The following PDE3B variants were observed in gnomAD, a reference collection of about 807,000 sequenced individuals.
PDE3B encodes the protein phosphodiesterase 3B, also known as cGMP-inhibited 3',5'-cyclic phosphodiesterase 3B.
PDE3B carries 66 observed loss-of-function variants against 116.8 expected under a neutral mutation model. The ratio of observed to expected loss-of-function variants is 0.56; its 90% CI spans 0.46 to 0.69. The LOEUF is 0.69. Ranked by LOEUF, PDE3B falls within the 30% of genes least tolerant of loss-of-function variation. The probability of loss-of-function intolerance (pLI) is 0.00; values close to 1 mark genes in which losing one functional copy is unlikely to be tolerated. For missense variants in PDE3B, 1,384 were observed against 1,368.1 expected, an observed-to-expected ratio of 1.01 and a Z score of -0.18; for synonymous variants, 595 against 533.6, an observed-to-expected ratio of 1.12 and a Z score of -1.59.
At chr11:14,675,896 TA>T (rs952222497) in intron 1 of PDE3B, among the ~76,000 whole-genome samples, 1 of 152,138 alleles carries the variant, frequency 6.6e-6, no homozygotes. Flanking sequence ...TTCTGTTGGG[TA>T]AATACCTAAG....
intron 2 of PDE3B, among the ~76,000 whole-genome samples, chr11:14,781,462 A>G (rs1857996951): frequency 6.6e-6 from 1 of 152,238 alleles, no homozygotes; most frequent in Non-Finnish European, 1.5e-5. Flanking sequence ...CTTATCCACC[A>G]TGATCAAGTG....
chr11:14,825,240 A>AC (rs1859650908), intron 7 of PDE3B, among the ~76,000 whole-genome samples: 1 of 152,244 alleles, frequency 6.6e-6, no homozygotes, highest in Non-Finnish European at 1.5e-5. Context: ...AGCTGGCTTA[A>AC]TAACCAGGTA....
chr11:14,680,091 G>A (rs1169908781), intron 1 of PDE3B, among the ~76,000 whole-genome samples: 5 of 152,154 alleles, frequency 3.3e-5, no homozygotes, highest in South Asian at 2.1e-4. Context: ...CCCACGTAAC[G>A]TCAGAGACGT....
intron 4 of PDE3B, among the ~76,000 whole-genome samples, chr11:14,796,183 T>C (rs893087596): frequency 6.6e-6 from 1 of 152,248 alleles, no homozygotes; most frequent in Non-Finnish European, 1.5e-5. Context: ...GCTTCATCCA[T>C]GTCCCTGCAA....
intron 1 of PDE3B, among the ~76,000 whole-genome samples, chr11:14,652,367 C>T (rs766626068): frequency 5.9e-5 from 9 of 152,082 alleles, no homozygotes; most frequent in Non-Finnish European, 1.0e-4. Context: ...CAGTACCACA[C>T]TGTTTTGATT....
In PDE3B at chr11:14,644,122, C is replaced by T. The variant is rs749309244; in HGVS notation, c.47C>T (p.Pro16Leu). 4 of 1,581,460 alleles carry T rather than the reference C, an allele frequency of 2.5e-6. No homozygotes were observed. The highest frequency in any genetic ancestry group is 3.4e-6 in the Non-Finnish European group (4 of 1,172,818). ...GCCAAAGCCATGCGGTCCCTGCAGCCGCCGGATGGGGCCGGCTCGCCCCCC... is the reference window on the plus strand; with the variant it reads ...GCCAAAGCCATGCGGTCCCTGCAGCTGCCGGATGGGGCCGGCTCGCCCCCC... ...RDAKAMRSLQ[P>L]PDGAGSPPES... The change falls in exon 1 of 16, where the codon CCG (proline) becomes CTG (leucine). Residue 16 changes from proline (P) to leucine (L), a missense_variant. Pro to Leu is a moderately conservative substitution (Grantham distance 98). This residue lies in a region of PDE3B where 956 missense variants were observed against 806.8 expected (regional missense o/e 1.18). Coordinates refer to ENST00000282096, the MANE Select transcript of PDE3B (RefSeq NM_000922.4).
chr11:14,725,585 C>T (rs973311508), intron 1 of PDE3B, among the ~76,000 whole-genome samples: 2 of 107,990 alleles, frequency 1.9e-5, no homozygotes, highest in African/African-American at 7.1e-5. Context: ...CTCCCTCCCT[C>T]CCCCTTCCCT....
At chr11:14,790,519 A>C (rs905419733) in intron 4 of PDE3B, among the ~76,000 whole-genome samples, 3 of 152,094 alleles carry the variant, frequency 2.0e-5, no homozygotes, top group African/African-American at 7.2e-5. Flanking sequence ...TTTGCAGTTA[A>C]AGAAACATTT....
chr11:14,852,248 G>T (rs555732966), intron 12 of PDE3B, among the ~76,000 whole-genome samples: 12 of 152,102 alleles, frequency 7.9e-5, no homozygotes, highest in African/African-American at 2.6e-4. Context: ...TAGAGACAGG[G>T]TTTCACCATG....
At position 14,741,287 on chromosome 11, in the gene PDE3B, G is replaced by A. The variant is rs1205581766; in HGVS notation, c.979-30650G>A. 2.0e-5 allele frequency among the ~76,000 whole-genome samples: 3 copies of A among 152,018 alleles called. No individual in the cohort carries two copies. The East Asian group carries it at 5.8e-4, about 29-fold the overall frequency. On this transcript the variant is annotated intron_variant, in intron 1 of 15. Transcript: ENST00000282096. ...TGGTATTATGAATCTGGGTGCTCGT[G>A]TATTGGCTGCATATATATTTAGGAT... is the stretch of plus-strand genomic sequence containing the variant.
intron 3 of PDE3B, among the ~76,000 whole-genome samples, chr11:14,788,099 A>G (rs975673796): frequency 1.3e-4 from 20 of 151,938 alleles, no homozygotes; most frequent in African/African-American, 4.8e-4. Flanking sequence ...AGTAAGTCAT[A>G]TAAGAACCAG....
rs189138090 is a variant in PDE3B at position 14,697,657 on chromosome 11, A to G, written c.978+52604A>G. 2.6e-4 allele frequency among the ~76,000 whole-genome samples: 40 copies of G among 152,282 alleles called. No homozygotes were observed. In the East Asian group the frequency reaches 7.5e-3, roughly 29 times the overall value. On this transcript the variant is annotated intron_variant, in intron 1 of 15. Transcript: ENST00000282096. Reference sequence around the variant, plus strand: ...TTGATTTGGTTTGCATTGTATCTATAGATTAATTTGGGGAGGATTGGCATC... The same window carrying G: ...TTGATTTGGTTTGCATTGTATCTATGGATTAATTTGGGGAGGATTGGCATC...
chr11:14,649,351 TTATC>T (rs1305939436), intron 1 of PDE3B, among the ~76,000 whole-genome samples: 1 of 152,184 alleles, frequency 6.6e-6, no homozygotes, highest in African/African-American at 2.4e-5. Flanking sequence ...GGTTCAGAGT[TTATC>T]TAATCTAATT....
At chr11:14,672,904 A>G (rs1292839340) in intron 1 of PDE3B, among the ~76,000 whole-genome samples, 1 of 148,446 alleles carries the variant, frequency 6.7e-6, no homozygotes, top group East Asian at 2.0e-4. Flanking sequence ...GGGGAGTCAT[A>G]GCAAAAACTT....
chr11:14,689,801 A>G (rs1444468481), intron 1 of PDE3B, among the ~76,000 whole-genome samples: 2 of 152,194 alleles, frequency 1.3e-5, no homozygotes, highest in African/African-American at 4.8e-5. Context: ...AATCCTTTCA[A>G]GTCTGTAGGA....
At chr11:14,885,929 G>A in the PDE3B span, 3 of 1,612,242 alleles carry the variant, frequency 1.9e-6, no homozygotes, top group Non-Finnish European at 2.5e-6. Flanking sequence ...TTTGAGAAGA[G>A]AAGAAAAACA....
intron 1 of PDE3B, among the ~76,000 whole-genome samples, chr11:14,682,400 G>A (rs1020582366): frequency 6.6e-6 from 1 of 152,120 alleles, no homozygotes; most frequent in African/African-American, 2.4e-5. Context: ...TAAGAGAGAT[G>A]TGATATTATA....
rs549436326 is a variant in PDE3B at position 14,843,906 on chromosome 11, C to A, written c.2400C>A (p.Gly800=). The A allele has an allele frequency of 6.2e-7, 1 of 1,614,000 alleles. No homozygotes were observed. The highest frequency in any genetic ancestry group is 8.5e-7 in the Non-Finnish European group (1 of 1,179,864). Residue 800 remains glycine, a synonymous_variant, in exon 12 of 16, where the codon GGC becomes GGA. Transcript: ENST00000282096. ...KSCSNPDESY[G]CLSSNIPALE... is the part of the protein sequence containing the mutation. ...GCTCTAATCCTGATGAGAGTTATGGCTGCCTGTCTTCAAACATTCCTGCAT... is the reference window on the plus strand; with the variant it reads ...GCTCTAATCCTGATGAGAGTTATGGATGCCTGTCTTCAAACATTCCTGCAT...
At chr11:14,853,598 T>G (rs181376215) in intron 12 of PDE3B, among the ~76,000 whole-genome samples, 28 of 152,304 alleles carry the variant, frequency 1.8e-4, no homozygotes, top group Middle Eastern at 3.4e-3. Flanking sequence ...GTGGGTCTAG[T>G]CAGGCCATAA....
Sources: allele counts gnomAD v4.1 joint callset (sites outside exome capture counted in the v4.1 genomes callset), GRCh38; gene constraint gnomAD v4.1.1; regional missense constraint gnomAD v4.1.1; transcripts MANE v1.5; gene names NCBI Gene and HGNC (gene_info 2026-07-23, HGNC 2026-07-21).